ANO3: variants seen among roughly 807,000 people sequenced by gnomAD.
The protein encoded by ANO3 is anoctamin-3.
Under a neutral mutation model 144.8 loss-of-function variants are expected in ANO3, and 99 were observed. That is an observed-to-expected ratio of 0.68 (90% CI 0.58 to 0.81). The LOEUF (loss-of-function observed/expected upper bound fraction) is 0.81, where lower values mean the gene tolerates loss of function less well. ANO3 is among the 30% of genes least tolerant of loss of function. The pLI is 0.00. For missense variants in ANO3, 905 were observed against 1,202.2 expected, an observed-to-expected ratio of 0.75 and a Z score of 3.66; for synonymous variants, 414 against 392.6, an observed-to-expected ratio of 1.05 and a Z score of -0.64.
intron 1 of ANO3, among the ~76,000 whole-genome samples, chr11:26,312,793 C>A (rs546616708): frequency 6.6e-6 from 1 of 152,280 alleles, no homozygotes; most frequent in African/African-American, 2.4e-5. Context: ...TGTAGTTTGC[C>A]TGTTCACTCT....
chr11:26,248,521 T>G (rs1306767091), intron 1 of ANO3, among the ~76,000 whole-genome samples: 1 of 152,172 alleles, frequency 6.6e-6, no homozygotes, highest in African/African-American at 2.4e-5. Flanking sequence ...AAACTGAATT[T>G]AAAATGTGTC....
intron 20 of ANO3, 80 bp from the exon 21 acceptor site, chr11:26,639,064 C>A: frequency 1.1e-6 from 1 of 934,578 alleles, no homozygotes; most frequent in African/African-American, 1.6e-5. Flanking sequence ...TTAAAATTTG[C>A]TGTACAATTT....
intron 1 of ANO3, among the ~76,000 whole-genome samples, chr11:26,197,338 ATTTTTG>A (rs200915667): frequency 3.4e-4 from 51 of 151,738 alleles, no homozygotes; most frequent in African/African-American, 6.6e-4. Flanking sequence ...GTAGTTTAAT[ATTTTTG>A]TTTTTGTTTT....
intron 1 of ANO3, among the ~76,000 whole-genome samples, chr11:26,344,676 T>C (rs920296661): frequency 6.6e-6 from 1 of 152,148 alleles, no homozygotes; most frequent in African/African-American, 2.4e-5. Context: ...AAATATTGTC[T>C]TTTTAAAGAC....
At chr11:26,194,369 T>C (rs1045346438) in intron 1 of ANO3, among the ~76,000 whole-genome samples, 1 of 151,660 alleles carries the variant, frequency 6.6e-6, no homozygotes, top group Non-Finnish European at 1.5e-5. Flanking sequence ...AAGGACTTGG[T>C]AGGAAGTGAA....
chr11:26,531,445 A>T, intron 8 of ANO3, 109 bp downstream of exon 8: 1 of 1,269,134 alleles, frequency 7.9e-7, no homozygotes, highest in East Asian at 2.4e-5. Flanking sequence ...TACGTCAGAG[A>T]ACTTATCATT....
intron 1 of ANO3, among the ~76,000 whole-genome samples, chr11:26,217,892 A>T (rs537855509): frequency 9.9e-5 from 15 of 152,026 alleles, no homozygotes; most frequent in Non-Finnish European, 1.9e-4. Flanking sequence ...TGGTGAAGAG[A>T]TGCCTGTGTT....
At chr11:26,292,779 C>T (rs1853989697) in intron 1 of ANO3, among the ~76,000 whole-genome samples, 1 of 152,202 alleles carries the variant, frequency 6.6e-6, no homozygotes, top group Admixed American at 6.5e-5. Context: ...AGGTTGCTGC[C>T]TGATCCTTCC....
chr11:26,453,963 C>G (rs1265967838), intron 3 of ANO3, among the ~76,000 whole-genome samples: 7 of 152,172 alleles, frequency 4.6e-5, no homozygotes, highest in Non-Finnish European at 7.3e-5. Flanking sequence ...GAGCAACCTG[C>G]TCCTGAATGA....
chr11:26,555,895 C>T (rs1042067434), intron 13 of ANO3, among the ~76,000 whole-genome samples: 15 of 152,078 alleles, frequency 9.9e-5, no homozygotes, highest in African/African-American at 3.6e-4. Context: ...CATCTGGACA[C>T]ATGATCTAGG....
At chr11:26,324,166 G>A (rs1257060181) in intron 1 of ANO3, among the ~76,000 whole-genome samples, 1 of 152,186 alleles carries the variant, frequency 6.6e-6, no homozygotes, top group Non-Finnish European at 1.5e-5. Flanking sequence ...AGGTAAATAA[G>A]AGGCTAACTG....
intron 1 of ANO3, among the ~76,000 whole-genome samples, chr11:26,259,386 A>T (rs919908748): frequency 6.6e-6 from 1 of 152,162 alleles, no homozygotes; most frequent in South Asian, 2.1e-4. Flanking sequence ...ATGGTGGCTC[A>T]CGCCTATAAT....
chr11:26,438,837 CT>C (rs1055746396), intron 1 of ANO3, among the ~76,000 whole-genome samples: 1 of 150,058 alleles, frequency 6.7e-6, no homozygotes, highest in South Asian at 2.1e-4. Flanking sequence ...CAAGTTGATC[CT>C]TAAATTTATA....
At chr11:26,287,995 A>C (rs1853848245) in intron 1 of ANO3, 1 of 152,204 alleles carries the variant, frequency 6.6e-6, no homozygotes. Flanking sequence ...CTGTCAATTT[A>C]ATTTCTCTTC....
chr11:26,217,635 T>C (rs1590198956), intron 1 of ANO3, among the ~76,000 whole-genome samples: 1 of 152,008 alleles, frequency 6.6e-6, no homozygotes, highest in South Asian at 2.1e-4. Flanking sequence ...AAAGTCAAAT[T>C]GGTTAATATT....
chr11:26,241,108 G>C (rs754782438), intron 1 of ANO3, among the ~76,000 whole-genome samples: 7 of 152,020 alleles, frequency 4.6e-5, no homozygotes, highest in Non-Finnish European at 1.0e-4. Flanking sequence ...TTTAAAAATG[G>C]GAGTTTCCCT....
At chr11:26,458,796 G>A (rs1219649129) in intron 3 of ANO3, among the ~76,000 whole-genome samples, 1 of 152,034 alleles carries the variant, frequency 6.6e-6, no homozygotes, top group Non-Finnish European at 1.5e-5. Flanking sequence ...TTACAGTTAG[G>A]AGGAGATAGA....
intron 14 of ANO3, chr11:26,567,072 A>G: frequency 6.6e-7 from 1 of 1,507,850 alleles, no homozygotes; most frequent in Non-Finnish European, 8.9e-7. Context: ...TGATGTGGCA[A>G]GAATAGATTG....
intron 1 of ANO3, among the ~76,000 whole-genome samples, chr11:26,440,765 G>C (rs1465287410): frequency 1.3e-5 from 2 of 152,098 alleles, no homozygotes; most frequent in East Asian, 1.9e-4. Context: ...AATCTAAGGA[G>C]GATATTAAGT....
Sources: allele counts gnomAD v4.1 joint callset (sites outside exome capture counted in the v4.1 genomes callset), GRCh38; gene constraint gnomAD v4.1.1; transcripts MANE v1.5; gene names NCBI Gene and HGNC (gene_info 2026-07-23, HGNC 2026-07-21).